The following DCC variants were observed in gnomAD, a reference collection of about 807,000 sequenced individuals.
DCC encodes netrin receptor DCC.
In DCC, 58 loss-of-function variants were observed where a neutral mutation model predicts 172.5. The observed-to-expected ratio is 0.34, with a 90% CI of 0.27 to 0.42. The LOEUF (loss-of-function observed/expected upper bound fraction) is 0.42. DCC is among the 10% of genes least tolerant of loss of function. DCC has a pLI of 1.00. For synonymous variants in DCC, 709 were observed against 644.5 expected, an observed-to-expected ratio of 1.10 and a Z score of -1.52; for missense variants, 1,740 against 1,791.0, an observed-to-expected ratio of 0.97 and a Z score of 0.51.
chr18:52,552,392 G>A (rs1437015753), intron 1 of DCC, among the ~76,000 whole-genome samples: 2 of 152,110 alleles, frequency 1.3e-5, no homozygotes, highest in South Asian at 2.1e-4. Flanking sequence ...CTGAGTTGAG[G>A]ATACAGTTTT....
intron 15 of DCC, among the ~76,000 whole-genome samples, chr18:53,376,569 G>A (rs1223243169): frequency 6.6e-6 from 1 of 152,104 alleles, no homozygotes; most frequent in African/African-American, 2.4e-5. Flanking sequence ...AAGACATCTA[G>A]TTAATTCAGT....
intron 1 of DCC, among the ~76,000 whole-genome samples, chr18:52,465,133 T>C (rs1988747810): frequency 6.6e-6 from 1 of 152,138 alleles, no homozygotes. Context: ...CAGAAAAAGC[T>C]GGTCATGCTA....
chr18:52,986,583 G>A (rs1389126438), intron 5 of DCC, among the ~76,000 whole-genome samples: 6 of 151,734 alleles, frequency 4.0e-5, no homozygotes, highest in African/African-American at 1.5e-4. Flanking sequence ...CTCCATTGAG[G>A]CCTAGTTATC....
intron 12 of DCC, among the ~76,000 whole-genome samples, chr18:53,275,168 T>A (rs929384105): frequency 6.6e-6 from 1 of 152,150 alleles, no homozygotes; most frequent in Non-Finnish European, 1.5e-5. Context: ...AGAATGTGAT[T>A]GCCTCCCATC....
intron 7 of DCC, among the ~76,000 whole-genome samples, chr18:53,089,702 A>T (rs535927920): frequency 1.3e-5 from 2 of 152,262 alleles, no homozygotes; most frequent in African/African-American, 4.8e-5. Context: ...TCCCTATTAT[A>T]TAGCCATATC....
intron 5 of DCC, among the ~76,000 whole-genome samples, chr18:52,948,213 G>A (rs2040579664): frequency 6.6e-6 from 1 of 152,012 alleles, no homozygotes; most frequent in African/African-American, 2.4e-5. Context: ...TAGCTTCATA[G>A]GGACTCTGCA....
chr18:53,355,861 C>T (rs2057872461), intron 15 of DCC, among the ~76,000 whole-genome samples: 1 of 152,028 alleles, frequency 6.6e-6, no homozygotes, highest in South Asian at 2.1e-4. Flanking sequence ...ATGTCCTTGT[C>T]ATGGATTTTA....
intron 5 of DCC, among the ~76,000 whole-genome samples, chr18:52,930,349 CT>C (rs1468873946): frequency 6.6e-6 from 1 of 152,092 alleles, no homozygotes; most frequent in East Asian, 1.9e-4. Context: ...GTCCCAGCTA[CT>C]CAGGAATCTG....
intron 7 of DCC, among the ~76,000 whole-genome samples, chr18:53,136,258 T>C (rs1404428435): frequency 6.6e-6 from 1 of 151,708 alleles, no homozygotes; most frequent in African/African-American, 2.4e-5. Flanking sequence ...TACACACACA[T>C]ACATACACAC....
At chr18:53,482,062 G>A (rs1350339223) in intron 25 of DCC, among the ~76,000 whole-genome samples, 1 of 152,086 alleles carries the variant, frequency 6.6e-6, no homozygotes, top group Non-Finnish European at 1.5e-5. Flanking sequence ...GTGTTTGTGT[G>A]TATGTGTGTG....
At chr18:52,936,334 T>A (rs2145512959) in intron 5 of DCC, among the ~76,000 whole-genome samples, 1 of 122,514 alleles carries the variant, frequency 8.2e-6, no homozygotes, top group South Asian at 2.3e-4. Flanking sequence ...GCAAAATGAT[T>A]CGTTATTTCA....
intron 7 of DCC, among the ~76,000 whole-genome samples, chr18:53,154,937 A>T (rs1305948822): frequency 6.6e-6 from 1 of 152,174 alleles, no homozygotes; most frequent in Non-Finnish European, 1.5e-5. Context: ...CCAGGCATCA[A>T]TCTTTTCCTC....
chr18:53,418,997 T>C lies in DCC; in HGVS notation c.3163+2841T>C, dbSNP rs151122669. Among the ~76,000 whole-genome samples the C allele has an allele frequency of 8.3e-3, 1,257 of 152,332 alleles. 16 individuals carry two copies. The highest frequency in any genetic ancestry group is 0.028 in the Admixed American group (421 of 15,296). On this transcript the variant is annotated intron_variant, in intron 21 of 28. Coordinates refer to ENST00000442544, the MANE Select transcript of DCC (RefSeq NM_005215.4). ...TCCATATCCTAATTATTTCTGTAGATTCTTCCAGGCACAGGTGGCAAATAA... is the reference window on the plus strand; with the variant it reads ...TCCATATCCTAATTATTTCTGTAGACTCTTCCAGGCACAGGTGGCAAATAA...
chr18:53,226,697 A>C (rs1252204366), intron 12 of DCC, among the ~76,000 whole-genome samples: 1 of 151,918 alleles, frequency 6.6e-6, no homozygotes, highest in Non-Finnish European at 1.5e-5. Flanking sequence ...CAAAAAAACA[A>C]ACAAACAAAA....
In DCC at chr18:52,445,467, C is replaced by T. The variant is rs1018479880; in HGVS notation, c.91+104589C>T. 2.0e-5 allele frequency among the ~76,000 whole-genome samples: 3 copies of T among 152,230 alleles called. No homozygotes were observed. In the South Asian group the frequency reaches 6.2e-4, roughly 32 times the overall value. Reference sequence around the variant, plus strand: ...GAAAAACACTGTAACAAAATTTAAGCGACTGCATAATTCTTTCTAAATACA... The same window carrying T: ...GAAAAACACTGTAACAAAATTTAAGTGACTGCATAATTCTTTCTAAATACA... On this transcript the variant is annotated intron_variant, in intron 1 of 28. Coordinates refer to ENST00000442544, the MANE Select transcript of DCC (RefSeq NM_005215.4).
chr18:53,436,086 G>A (rs1038716115), intron 22 of DCC, among the ~76,000 whole-genome samples: 4 of 152,094 alleles, frequency 2.6e-5, no homozygotes, highest in African/African-American at 9.7e-5. Context: ...GTATGTCTGT[G>A]TTTTCTCACA....
At chr18:52,564,535 TA>T (rs2144746115) in intron 1 of DCC, among the ~76,000 whole-genome samples, 1 of 152,204 alleles carries the variant, frequency 6.6e-6, no homozygotes, top group African/African-American at 2.4e-5. Context: ...GCATTTTAAA[TA>T]GGTTTCTTCA....
At chr18:53,418,937 A>G (rs1910473305) in intron 21 of DCC, among the ~76,000 whole-genome samples, 1 of 152,212 alleles carries the variant, frequency 6.6e-6, no homozygotes, top group Non-Finnish European at 1.5e-5. Context: ...GACCACCTCT[A>G]TAATTCTCCT....
intron 1 of DCC, among the ~76,000 whole-genome samples, chr18:52,611,760 T>C (rs719953): frequency 0.25 from 38,310 of 152,122 alleles, 5,317 homozygotes; most frequent in Middle Eastern, 0.34. Context: ...ATAGGATCAC[T>C]GATTTCTACC....
Sources: gnomAD v4.1 joint callset for allele counts (sites outside exome capture counted in the v4.1 genomes callset) on GRCh38, gnomAD v4.1.1 for gene constraint, MANE v1.5 for transcripts, NCBI Gene and HGNC (gene_info 2026-07-23, HGNC 2026-07-21) for gene names.